MSRB3: variants seen among roughly 807,000 people sequenced by gnomAD.
MSRB3 encodes methionine sulfoxide reductase B3, also known as methionine-R-sulfoxide reductase B3.
Under a neutral mutation model 21.0 loss-of-function variants are expected in MSRB3, and 13 were observed. That is an observed-to-expected ratio of 0.62 (90% CI 0.40 to 0.98). MSRB3 has a LOEUF of 0.98. MSRB3 is among the 50% of genes least tolerant of loss of function. The pLI, the probability that MSRB3 is intolerant of heterozygous loss-of-function variation, is 0.00. For missense variants in MSRB3, 199 were observed against 230.3 expected, an observed-to-expected ratio of 0.86 and a Z score of 0.88; for synonymous variants, 87 against 88.6, an observed-to-expected ratio of 0.98 and a Z score of 0.10.
intron 1 of MSRB3, chr12:65,306,799 C>G: frequency 1.0e-6 from 1 of 961,394 alleles, no homozygotes; most frequent in South Asian, 4.8e-5. Context: ...TGGAGGGCTC[C>G]CGGTATTTGT....
chr12:65,318,924 A>C (rs1874484348), intron 2 of MSRB3, among the ~76,000 whole-genome samples: 2 of 152,206 alleles, frequency 1.3e-5, no homozygotes, highest in Non-Finnish European at 2.9e-5. Flanking sequence ...AATGAAAGAT[A>C]GAAAAGTAAA....
At chr12:65,342,522 C>T (rs542210197) in intron 4 of MSRB3, among the ~76,000 whole-genome samples, 5 of 152,006 alleles carry the variant, frequency 3.3e-5, no homozygotes, top group Admixed American at 1.3e-4. Context: ...TCAAATACTA[C>T]AGGGTAGAGT....
intron 1 of MSRB3, chr12:65,307,068 G>A (rs904726601): frequency 4.1e-5 from 40 of 981,446 alleles, no homozygotes; most frequent in Non-Finnish European, 4.8e-5. Flanking sequence ...TCACAGAGAA[G>A]GGTCACAGGG....
At chr12:65,390,456 C>A (rs540598862) in intron 5 of MSRB3, among the ~76,000 whole-genome samples, 2 of 152,166 alleles carry the variant, frequency 1.3e-5, no homozygotes, top group Non-Finnish European at 2.9e-5. Flanking sequence ...TTTAGCCTCA[C>A]TATTACTCAT....
chr12:65,449,285 C>A (rs959903766), intron 5 of MSRB3, among the ~76,000 whole-genome samples: 2 of 151,786 alleles, frequency 1.3e-5, no homozygotes, highest in Non-Finnish European at 2.9e-5. Flanking sequence ...GATCCACCCC[C>A]CCAGAGTGAA....
intron 5 of MSRB3, among the ~76,000 whole-genome samples, chr12:65,413,761 A>G (rs570563480): frequency 6.6e-6 from 1 of 152,214 alleles, no homozygotes; most frequent in Non-Finnish European, 1.5e-5. Flanking sequence ...ATTTTACAAC[A>G]TATTAGGAGG....
At chr12:65,370,427 T>A (rs1878253472) in intron 5 of MSRB3, among the ~76,000 whole-genome samples, 1 of 152,152 alleles carries the variant, frequency 6.6e-6, no homozygotes, top group South Asian at 2.1e-4. Context: ...CTGATGTAAT[T>A]CCCTAAACAT....
chr12:65,308,433 T>C, intron 1 of MSRB3, 96 bp from the exon 2 acceptor site: 3 of 1,493,470 alleles, frequency 2.0e-6, no homozygotes, highest in South Asian at 2.4e-5. Context: ...TGTGTTCAGT[T>C]CCAGATAAAA....
At chr12:65,328,504 A>G in intron 3 of MSRB3, 22 bp from the exon 4 acceptor site, 1 of 1,529,862 alleles carries the variant, frequency 6.5e-7, no homozygotes, top group Non-Finnish European at 9.1e-7. Context: ...TTAATTTTTT[A>G]AATGATCTGT....
intron 5 of MSRB3, among the ~76,000 whole-genome samples, chr12:65,380,420 G>A (rs546048161): frequency 2.2e-4 from 33 of 152,014 alleles, no homozygotes; most frequent in Non-Finnish European, 3.8e-4. Context: ...TACTAAAAAT[G>A]CAAAAATTAA....
At chr12:65,459,886 G>C (rs1011496554) in intron 6 of MSRB3, among the ~76,000 whole-genome samples, 12 of 152,176 alleles carry the variant, frequency 7.9e-5, no homozygotes, top group African/African-American at 2.9e-4. Context: ...TATTTTAGGG[G>C]GTCCTTTCCC....
chr12:65,428,966 C>T (rs902275178), intron 5 of MSRB3, among the ~76,000 whole-genome samples: 1 of 152,076 alleles, frequency 6.6e-6, no homozygotes, highest in Admixed American at 6.6e-5. Flanking sequence ...CTTATGATTA[C>T]TTACCAGTCT....
At chr12:65,432,009 G>A (rs1452500707) in intron 5 of MSRB3, among the ~76,000 whole-genome samples, 1 of 151,900 alleles carries the variant, frequency 6.6e-6, no homozygotes, top group African/African-American at 2.4e-5. Context: ...AGTATCTTTG[G>A]TTTCTTTAAG....
Position 65,326,951 on chromosome 12 carries a change from T to C in MSRB3, c.185+17T>C, listed in dbSNP as rs767116967. The C allele has an allele frequency of 1.3e-6, 2 of 1,587,408 alleles. No homozygotes were observed. Among genetic ancestry groups the C allele is most frequent in the Admixed American group, 1.7e-5 (1 of 59,122 alleles). On this transcript the variant is annotated intron_variant, in intron 3 of 6. Transcript: ENST00000308259. ...GACCGAAAGGTAAGGTGAGCTTTAATAAAAAGTCATTAAGAGCTAGATTTC... is the reference window on the plus strand; with the variant it reads ...GACCGAAAGGTAAGGTGAGCTTTAACAAAAAGTCATTAAGAGCTAGATTTC...
Position 65,423,330 on chromosome 12 carries a change from G to A in MSRB3, c.293-30398G>A, listed in dbSNP as rs553446734. Among the ~76,000 whole-genome samples the A allele has an allele frequency of 4.6e-5, 7 of 152,216 alleles. No homozygotes were observed. The South Asian group carries it at 1.2e-3, about 27-fold the overall frequency. Reference sequence around the variant, plus strand: ...TTAAACTTCTGCCTTTCCAATTTGGGTGTATTTTATTTTTCATCTTTTTGC... The same window carrying A: ...TTAAACTTCTGCCTTTCCAATTTGGATGTATTTTATTTTTCATCTTTTTGC... On this transcript the variant is annotated intron_variant, in intron 5 of 6. Transcript: ENST00000308259.
At chr12:65,457,694 A>G (rs760051166) in intron 6 of MSRB3, among the ~76,000 whole-genome samples, 2 of 152,058 alleles carry the variant, frequency 1.3e-5, no homozygotes, top group Non-Finnish European at 2.9e-5. Flanking sequence ...TTTGCAATCT[A>G]TCCATCTGAC....
chr12:65,401,549 T>G (rs910552884), intron 5 of MSRB3, among the ~76,000 whole-genome samples: 1 of 152,212 alleles, frequency 6.6e-6, no homozygotes. Flanking sequence ...CTGATGGGTC[T>G]TAACTCTTTA....
At chr12:65,448,789 G>A (rs1882730696) in intron 5 of MSRB3, among the ~76,000 whole-genome samples, 1 of 152,152 alleles carries the variant, frequency 6.6e-6, no homozygotes, top group Non-Finnish European at 1.5e-5. Flanking sequence ...AGCAGCATAA[G>A]CACATTTTTA....
chr12:65,331,295 G>A (rs1875399568), intron 4 of MSRB3, among the ~76,000 whole-genome samples: 1 of 152,150 alleles, frequency 6.6e-6, no homozygotes, highest in African/African-American at 2.4e-5. Context: ...GTGGTAATAA[G>A]GGATTGGGTA....
Sources: allele counts gnomAD v4.1 joint callset (sites outside exome capture counted in the v4.1 genomes callset), GRCh38; gene constraint gnomAD v4.1.1; transcripts MANE v1.5; gene names NCBI Gene and HGNC (gene_info 2026-07-23, HGNC 2026-07-21).